NUMA1: variants seen among roughly 807,000 people sequenced by gnomAD.
NUMA1 encodes the protein nuclear mitotic apparatus protein 1, also known as SP-H antigen.
Under a neutral mutation model 237.1 loss-of-function variants are expected in NUMA1, and 62 were observed. That is an observed-to-expected ratio of 0.26 (90% CI 0.21 to 0.32). The LOEUF (loss-of-function observed/expected upper bound fraction) is 0.32. Ranked by LOEUF, NUMA1 falls within the 10% of genes least tolerant of loss-of-function variation. The pLI, the probability that NUMA1 is intolerant of heterozygous loss-of-function variation, is 1.00. For synonymous variants in NUMA1, 1,028 were observed against 1,066.1 expected, an observed-to-expected ratio of 0.96 and a Z score of 0.70; for missense variants, 2,533 against 2,666.5, an observed-to-expected ratio of 0.95 and a Z score of 1.10.
chr11:72,062,964 G>A (rs1943021743), intron 2 of NUMA1, among the ~76,000 whole-genome samples: 1 of 152,174 alleles, frequency 6.6e-6, no homozygotes, highest in African/African-American at 2.4e-5. Context: ...AGCTACTCGG[G>A]AGGCTGAGGC....
In NUMA1 at chr11:72,008,984, G is replaced by A. The variant is rs74985106; in HGVS notation, c.5041C>T (p.Arg1681Cys). 0.02 allele frequency: 32,956 copies of A among 1,613,920 alleles called. 411 individuals are homozygous for A. Among genetic ancestry groups the A allele is most frequent in the Middle Eastern group, 0.029 (176 of 6,062 alleles). ...QTCRHLTAQV[R>C]SLEAQVAHAD... ...ATTCTTACCTGTGCCTCCAGGCTGCGCACCTGGGCAGTAAGGTGGCGGCAG... is the reference window on the plus strand; with the variant it reads ...ATTCTTACCTGTGCCTCCAGGCTGCACACCTGGGCAGTAAGGTGGCGGCAG... Residue 1681 changes from arginine to cysteine, a missense_variant, in exon 19 of 27, where the codon CGC (arginine) becomes TGC (cysteine). Around this residue, in one of 3 missense-constraint regions of NUMA1, gnomAD observed 795 missense variants for 750.8 expected, o/e 1.06. Transcript: ENST00000393695.
chr11:72,014,402 A>G lies in NUMA1; in HGVS notation c.3101T>C (p.Leu1034Pro). Residue 1034 changes from leucine to proline, a missense_variant, in exon 15 of 27, where the codon CTG becomes CCG. Physicochemically the swap from Leu to Pro is moderately conservative, Grantham distance 98. Coordinates refer to ENST00000393695, the MANE Select transcript of NUMA1 (RefSeq NM_006185.4). This position sits in a 1 kb window ranked among gnomAD's most constrained non-coding sequence, Gnocchi z 4.6. Reference sequence around the variant, plus strand: ...ACGCTGCTCGTTGAGGGCGTTCTGCAGCCGCATCTCAAGCTCTGCTCTGGC... The same window carrying G: ...ACGCTGCTCGTTGAGGGCGTTCTGCGGCCGCATCTCAAGCTCTGCTCTGGC... Reference protein sequence around the residue: ...KAARAELEMRLQNALNEQRVE... With the variant: ...KAARAELEMRPQNALNEQRVE... 1 of 1,611,086 alleles carries G rather than the reference A, an allele frequency of 6.2e-7. No individual in the cohort carries two copies. Among genetic ancestry groups the G allele is most frequent in the Non-Finnish European group, 8.5e-7 (1 of 1,180,028 alleles).
At chr11:72,043,732 T>C (rs986347868) in intron 2 of NUMA1, among the ~76,000 whole-genome samples, 2 of 152,136 alleles carry the variant, frequency 1.3e-5, no homozygotes, top group African/African-American at 4.8e-5. Context: ...GGCTACAGTT[T>C]ATAATATATA....
intron 2 of NUMA1, among the ~76,000 whole-genome samples, chr11:72,064,799 C>G (rs1943127089): frequency 6.6e-6 from 1 of 152,170 alleles, no homozygotes; most frequent in African/African-American, 2.4e-5. Flanking sequence ...TACCACTGCA[C>G]TGAAGCCTGG....
rs767539529 is a variant in NUMA1 at position 72,019,481 on chromosome 11, G to A, written c.584+13C>T. 42 of 1,611,646 alleles carry A rather than the reference G, an allele frequency of 2.6e-5. No homozygotes were observed. On this transcript the variant is annotated intron_variant, in intron 9 of 26. Coordinates refer to ENST00000393695, the MANE Select transcript of NUMA1 (RefSeq NM_006185.4). ...CTGAGGCCCTATCCCAGGAGGAGAG[G>A]CCCAGAACATACTTGTTCCCACTGG...
At chr11:72,026,243 C>T (rs1047291679) in intron 4 of NUMA1, among the ~76,000 whole-genome samples, 1 of 152,210 alleles carries the variant, frequency 6.6e-6, no homozygotes, top group Non-Finnish European at 1.5e-5. Context: ...CCAGTCATGC[C>T]TCGGCTGTCC....
At chr11:72,061,085 A>T (rs1942913765) in intron 2 of NUMA1, among the ~76,000 whole-genome samples, 3 of 152,140 alleles carry the variant, frequency 2.0e-5, no homozygotes, top group African/African-American at 7.2e-5. Flanking sequence ...AAAAAATTAA[A>T]AATTAGCCAG....
At chr11:72,003,661 G>A in intron 26 of NUMA1, 123 bp from the exon 27 acceptor site, 1 of 1,313,322 alleles carries the variant, frequency 7.6e-7, no homozygotes, top group Non-Finnish European at 1.1e-6. Context: ...TGAGCCCCAG[G>A]GTTATCAGTT....
At chr11:72,061,485 C>CTTTTTTTTTTTT (rs767581846) in intron 2 of NUMA1, among the ~76,000 whole-genome samples, 5 of 117,318 alleles carry the variant, frequency 4.3e-5, no homozygotes, top group African/African-American at 9.7e-5. Flanking sequence ...TGTTTCTTTT[C>CTTTTTTTTTTTT]TTTTTTTTTT....
At chr11:72,032,865 T>C (rs1940508779) in intron 3 of NUMA1, among the ~76,000 whole-genome samples, 1 of 152,218 alleles carries the variant, frequency 6.6e-6, no homozygotes, top group African/African-American at 2.4e-5. Flanking sequence ...AACCACTAAT[T>C]TATTTTTATG....
At chr11:72,074,533 G>GT (rs1464640437) in intron 1 of NUMA1, among the ~76,000 whole-genome samples, 1 of 152,024 alleles carries the variant, frequency 6.6e-6, no homozygotes, top group Non-Finnish European at 1.5e-5. Context: ...GAGCTCAAGA[G>GT]TTTGAGACCA....
At chr11:72,020,621 C>T (rs1261748007) in intron 8 of NUMA1, 1 of 152,266 alleles carries the variant, frequency 6.6e-6, no homozygotes, top group African/African-American at 2.4e-5. Flanking sequence ...GCCTGTATTC[C>T]TAACACTTTG....
intron 3 of NUMA1, among the ~76,000 whole-genome samples, chr11:72,029,550 TG>T (rs1940022123): frequency 1.3e-5 from 2 of 152,256 alleles, no homozygotes; most frequent in African/African-American, 4.8e-5. Context: ...GTTCCAGCAC[TG>T]GGAGTATTTT....
intron 20 of NUMA1, chr11:72,008,184 C>T (rs1374659569): frequency 4.2e-6 from 2 of 472,072 alleles, no homozygotes; most frequent in African/African-American, 4.0e-5. Context: ...TTAATAAAAA[C>T]ATTTTTCCAG....
chr11:72,027,582 G>T (rs925511039), intron 4 of NUMA1, among the ~76,000 whole-genome samples: 1 of 152,076 alleles, frequency 6.6e-6, no homozygotes, highest in African/African-American at 2.4e-5. Flanking sequence ...TGTCGAGTGG[G>T]GAGAGAAAAA....
At chr11:72,036,066 C>T in intron 2 of NUMA1, 91 bp from the exon 3 acceptor site, 1 of 955,624 alleles carries the variant, frequency 1.0e-6, no homozygotes, top group African/African-American at 1.6e-5. Flanking sequence ...TGCCAATTCT[C>T]AACACTTAAA....
chr11:72,044,870 G>A (rs1331458697), intron 2 of NUMA1, among the ~76,000 whole-genome samples: 7 of 152,028 alleles, frequency 4.6e-5, no homozygotes, highest in East Asian at 1.9e-4. Flanking sequence ...GTTTGACCAT[G>A]TTGGCCAGGC....
chr11:72,021,214 G>C lies in NUMA1; in HGVS notation c.450C>G (p.Phe150Leu). 6.2e-7 allele frequency: 1 copy of C among 1,613,672 alleles called. No homozygotes were observed. Among genetic ancestry groups the C allele is most frequent in the African/African-American group, 1.3e-5 (1 of 75,052 alleles). ...TGTGTACCTACTTACCTTTCTGTAG[G>C]AAGTTCTCTAGGTCCTCATTAAGGT... is the stretch of plus-strand genomic sequence containing the variant. ...GLNLNEDLEN[F>L]LQKAPVPSTC... Residue 150 changes from phenylalanine (F) to leucine (L), a missense_variant, in exon 8 of 27, where the codon TTC (phenylalanine) becomes TTG (leucine). Phe to Leu is a conservative substitution (Grantham distance 22). This residue lies in a region of NUMA1 where 1,414 missense variants were observed against 1,508.1 expected (regional missense o/e 0.94). Coordinates refer to ENST00000393695, the MANE Select transcript of NUMA1 (RefSeq NM_006185.4).
In NUMA1 at chr11:72,013,971, G is replaced by C. The variant is rs772825492; in HGVS notation, c.3532C>G (p.Leu1178Val). The C allele has an allele frequency of 1.2e-6, 2 of 1,613,374 alleles. No individual in the cohort carries two copies. The highest frequency in any genetic ancestry group is 1.7e-6 in the Non-Finnish European group (2 of 1,179,996). The stretch of plus-strand genomic sequence containing the variant: ...GCTAAGGCACTCTGACTGTGCCCTA[G>C]CTCCTGGGCCTTCTCCTCTAACTGG... ...QGQLEEKAQE[L>V]GHSQSALASA... Residue 1178 changes from leucine to valine, a missense_variant, in exon 15 of 27, where the codon CTA becomes GTA. By Grantham distance (32) the Leu-to-Val change is conservative. This residue lies in a region of NUMA1 where 1,414 missense variants were observed against 1,508.1 expected (regional missense o/e 0.94). Coordinates refer to ENST00000393695, the MANE Select transcript of NUMA1 (RefSeq NM_006185.4). This position sits in a 1 kb window ranked among gnomAD's most constrained non-coding sequence, Gnocchi z 6.8.
Sources: allele counts gnomAD v4.1 joint callset (sites outside exome capture counted in the v4.1 genomes callset), GRCh38; gene constraint gnomAD v4.1.1; regional missense constraint gnomAD v4.1.1; non-coding constraint Gnocchi (gnomAD v3.1); transcripts MANE v1.5; gene names NCBI Gene and HGNC (gene_info 2026-07-23, HGNC 2026-07-21).